TBC1D9B: variants seen among roughly 807,000 people sequenced by gnomAD.
TBC1D9B encodes the protein TBC1 domain family, member 9B (with GRAM domain).
In TBC1D9B, 87 loss-of-function variants were observed where a neutral mutation model predicts 121.1. The ratio of observed to expected loss-of-function variants is 0.72; its 90% confidence interval spans 0.60 to 0.86. The LOEUF is 0.86. Among genes scored for constraint, TBC1D9B ranks in the 40% least tolerant of loss-of-function variants. The pLI is 0.00. For missense variants in TBC1D9B, 1,540 were observed against 1,628.6 expected (o/e 0.95, Z 0.94); for synonymous variants, 668 against 670.1 (o/e 1.00, Z 0.05).
At chr5:179,870,230 C>T (rs757566855) in intron 16 of TBC1D9B, 25 bp downstream of exon 16, 1 of 1,612,408 alleles carries the variant, frequency 6.2e-7, no homozygotes. Flanking sequence ...GGGTCAAGCC[C>T]CTGGTAGGCC....
In TBC1D9B at chr5:179,865,268, G is replaced by C; in HGVS notation, c.3007C>G (p.Pro1003Ala). 6.2e-7 allele frequency: 1 copy of C among 1,614,156 alleles called. No homozygotes were observed. The highest frequency in any genetic ancestry group is 8.5e-7 in the Non-Finnish European group (1 of 1,180,030). ...GTGGAGCCTACCTGGTTCATCTTGG[G>C]AAGATCCTTAATCGTCTCCTTCTGA... is the stretch of plus-strand genomic sequence containing the variant. ...EAQKETIKDL[P>A]KMNQEQFIEL... is the part of the protein sequence containing the mutation. Residue 1003 changes from proline to alanine, a missense_variant, in exon 20 of 21, where the codon CCC (proline) becomes GCC (alanine). Pro to Ala is a conservative substitution (Grantham distance 27, BLOSUM62 -1). Transcript: ENST00000355235. This position sits in a 1 kb window ranked among gnomAD's most constrained non-coding sequence, Gnocchi z 5.1.
intron 7 of TBC1D9B, 113 bp downstream of exon 7, chr5:179,887,990 A>G (rs1760740221): frequency 1.5e-6 from 2 of 1,332,570 alleles, no homozygotes; most frequent in Admixed American, 1.8e-5. Flanking sequence ...ATCCACCCCT[A>G]GGCGGAGGCC....
intron 2 of TBC1D9B, among the ~76,000 whole-genome samples, chr5:179,900,446 G>A (rs990861282): frequency 1.1e-4 from 17 of 152,040 alleles, no homozygotes; most frequent in African/African-American, 3.9e-4. Flanking sequence ...TCAGCTGTCC[G>A]GGGGTGGGAC....
chr5:179,876,066 G>A, intron 10 of TBC1D9B, 29 bp from the exon 11 acceptor site: 1 of 1,591,776 alleles, frequency 6.3e-7, no homozygotes, highest in Non-Finnish European at 8.6e-7. Context: ...GCCGGGGAAG[G>A]CTTGCACTGC....
At chr5:179,867,437 G>C in intron 18 of TBC1D9B, 1 of 1,553,764 alleles carries the variant, frequency 6.4e-7, no homozygotes, top group Non-Finnish European at 8.7e-7. Flanking sequence ...TGCCTTCCAG[G>C]GACTGACCTT....
At chr5:179,867,067 T>A (rs542247869) in intron 18 of TBC1D9B, 2 of 202,570 alleles carry the variant, frequency 9.9e-6, no homozygotes, top group Admixed American at 1.0e-4. Context: ...ACGTGGAACA[T>A]GAAGATTTTT....
chr5:179,878,336 G>A lies in TBC1D9B; in HGVS notation c.1755C>T (p.Phe585=). The change falls in exon 10 of 21, where the codon TTC becomes TTT. Residue 585 remains phenylalanine, a synonymous_variant. Coordinates refer to ENST00000355235, the MANE Select transcript of TBC1D9B (RefSeq NM_015043.4). ...ALRRVLTAYA[F]RNPTIGYCQA... is the part of the protein sequence containing the mutation. Reference sequence around the variant, plus strand: ...GGCAGTAGCCGATGGTGGGGTTTCGGAAGGCATAGGCAGTCAGCACCCGCC... The same window carrying A: ...GGCAGTAGCCGATGGTGGGGTTTCGAAAGGCATAGGCAGTCAGCACCCGCC... 6.2e-7 allele frequency: 1 copy of A among 1,613,618 alleles called. No homozygotes were observed. The highest frequency in any genetic ancestry group is 1.1e-5 in the South Asian group (1 of 90,992).
In TBC1D9B at chr5:179,907,118, C is replaced by G. The variant is rs180827179; in HGVS notation, c.118+586G>C. 1.7e-3 allele frequency among the ~76,000 whole-genome samples: 266 copies of G among 152,324 alleles called. 1 individual carries two copies. Among genetic ancestry groups the G allele is most frequent in the Middle Eastern group, 0.01 (3 of 294 alleles). On this transcript the variant is annotated intron_variant, in intron 1 of 20. Coordinates refer to ENST00000355235, the MANE Select transcript of TBC1D9B (RefSeq NM_015043.4). The surrounding 1 kb of genome is among the most constrained non-coding windows in gnomAD (Gnocchi z 5.3). ...TTGCAGGAACACCCTGTGCCGCTAC[C>G]CACAGCCTTGGGTGCGCAGCTCTGA...
At chr5:179,864,830 G>T (rs1759959950) in intron 20 of TBC1D9B, among the ~76,000 whole-genome samples, 1 of 152,242 alleles carries the variant, frequency 6.6e-6, no homozygotes, top group South Asian at 2.1e-4. Flanking sequence ...TGGAGCTGGG[G>T]TCTCCCATTT....
chr5:179,905,883 T>C (rs985139107), intron 1 of TBC1D9B, among the ~76,000 whole-genome samples: 8 of 152,226 alleles, frequency 5.3e-5, no homozygotes, highest in African/African-American at 1.9e-4. Flanking sequence ...TGTTTCATAG[T>C]CCATTAATAC....
chr5:179,879,791 T>C lies in TBC1D9B; in HGVS notation c.1255-2A>G. On this transcript the variant is annotated splice_acceptor_variant, in intron 7 of 20. Coordinates refer to ENST00000355235, the MANE Select transcript of TBC1D9B (RefSeq NM_015043.4). LOFTEE classifies it high-confidence loss of function. ...CCCCTCCTGAGGAGCTGGGGAAGAC[T>C]AGAAAATAAAACAGGGAAGGGGACG... 3 of 1,607,154 alleles carry C rather than the reference T, an allele frequency of 1.9e-6. No homozygotes were observed. Among genetic ancestry groups the C allele is most frequent in the South Asian group, 1.1e-5 (1 of 90,602 alleles).
In TBC1D9B at chr5:179,891,258, G is replaced by A. The variant is rs753435603; in HGVS notation, c.1044+121C>T. The A allele has an allele frequency of 4.8e-5, 55 of 1,148,706 alleles. No individual in the cohort carries two copies. Among genetic ancestry groups the A allele is most frequent in the Non-Finnish European group, 6.6e-5 (52 of 791,720 alleles). 71.2% of individuals were successfully genotyped at this position (1,148,706 alleles called of 1,614,324 possible). A position where few individuals can be genotyped will look rare whatever the true frequency, so the allele number is the denominator to read the frequency against. On this transcript the variant is annotated intron_variant, in intron 6 of 20. Coordinates refer to ENST00000355235, the MANE Select transcript of TBC1D9B (RefSeq NM_015043.4). The surrounding 1 kb of genome is among the most constrained non-coding windows in gnomAD (Gnocchi z 4.3). Reference sequence around the variant, plus strand: ...CACTGAGTGACATGTGACTGCCTGGGCTAGGGCATCCTCCCAGGTACCCCC... The same window carrying A: ...CACTGAGTGACATGTGACTGCCTGGACTAGGGCATCCTCCCAGGTACCCCC...
At chr5:179,906,978 A>C (rs1249436837) in intron 1 of TBC1D9B, among the ~76,000 whole-genome samples, 1 of 152,022 alleles carries the variant, frequency 6.6e-6, no homozygotes, top group Admixed American at 6.5e-5. Flanking sequence ...CTGCGGAGGG[A>C]GTGGCCTGTG....
rs1759879160 is a variant in TBC1D9B, at chr5:179,862,666, T to C, written c.*782A>G. ...CTTCCAGAACACAGCCAGGGCCCCA[T>C]ACTTGGCCTGGGGAGAAGTTGGGAG... On this transcript the variant is annotated 3_prime_UTR_variant, in exon 21 of 21. Coordinates refer to ENST00000355235, the MANE Select transcript of TBC1D9B (RefSeq NM_015043.4). The C allele has an allele frequency of 2.3e-6, 1 of 441,994 alleles. No homozygotes were observed. The highest frequency in any genetic ancestry group is 4.7e-6 in the Non-Finnish European group (1 of 214,560). 27.4% of individuals were successfully genotyped at this position (441,994 alleles called of 1,614,324 possible). A position where few individuals can be genotyped will look rare whatever the true frequency, so the allele number is the denominator to read the frequency against.
At chr5:179,897,439 T>C (rs560514810) in intron 3 of TBC1D9B, among the ~76,000 whole-genome samples, 47 of 152,046 alleles carry the variant, frequency 3.1e-4, no homozygotes, top group African/African-American at 1.1e-3. Flanking sequence ...CAGTCTTCCA[T>C]TCCGAGTAGC....
At chr5:179,869,535 A>G (rs1369604058) in intron 17 of TBC1D9B, 1 of 673,290 alleles carries the variant, frequency 1.5e-6, no homozygotes, top group South Asian at 1.5e-5. Flanking sequence ...TGTACCCAGC[A>G]GTGCCCGGTC....
Position 179,863,649 on chromosome 5 carries a change from G to T in TBC1D9B, c.3501C>A (p.Pro1167=). The part of the protein sequence containing the change: ...TVLVGGEACS[P]TARIGGTVDT... ...CGACGGTGCCGCCGATGCGCGCTGT[G>T]GGGCTGCAGGCCTCCCCGCCCACCA... The change falls in exon 21 of 21, where the codon CCC becomes CCA. Residue 1167 remains proline (P), a synonymous_variant. Coordinates refer to ENST00000355235, the MANE Select transcript of TBC1D9B (RefSeq NM_015043.4). The surrounding 1 kb of genome is among the most constrained non-coding windows in gnomAD (Gnocchi z 4.5). 3.7e-6 allele frequency: 6 copies of T among 1,613,818 alleles called. No homozygotes were observed. The highest frequency in any genetic ancestry group is 5.1e-6 in the Non-Finnish European group (6 of 1,180,032).
At position 179,890,551 on chromosome 5, in the gene TBC1D9B, G is replaced by T. The variant is rs900107558; in HGVS notation, c.1044+828C>A. ...GAGTTCCTTCCCTCTGACTTCCCTT[G>T]GGGAAACTGAGGCAGCAACTCTCCC... On this transcript the variant is annotated intron_variant, in intron 6 of 20. Coordinates refer to ENST00000355235, the MANE Select transcript of TBC1D9B (RefSeq NM_015043.4). This position sits in a 1 kb window ranked among gnomAD's most constrained non-coding sequence, Gnocchi z 5.0. Among the ~76,000 whole-genome samples the T allele has an allele frequency of 1.3e-5, 2 of 152,182 alleles. No homozygotes were observed. Among genetic ancestry groups the T allele is most frequent in the African/African-American group, 4.8e-5 (2 of 41,432 alleles).
Position 179,863,582 on chromosome 5 carries a change from T to C in TBC1D9B, c.3568A>G (p.Ile1190Val), listed in dbSNP as rs943376192. The C allele has an allele frequency of 4.3e-6, 7 of 1,614,048 alleles. No individual in the cohort carries two copies. The East Asian group carries it at 1.1e-4, about 26-fold the overall frequency. Residue 1190 changes from isoleucine to valine, a missense_variant, in exon 21 of 21, where the codon ATC becomes GTC. Coordinates refer to ENST00000355235, the MANE Select transcript of TBC1D9B (RefSeq NM_015043.4). The surrounding 1 kb of genome is among the most constrained non-coding windows in gnomAD (Gnocchi z 4.5). The part of the protein sequence containing the change: ...CISFEQILAS[I>V]LTESVLVNFF... ...TTCACCAGCACGGACTCCGTCAGGA[T>C]GGAGGCCAGGATCTGCTCAAAGGAG... is the stretch of plus-strand genomic sequence containing the variant.
Sources: gnomAD v4.1 joint callset for allele counts (sites outside exome capture counted in the v4.1 genomes callset) on GRCh38, gnomAD v4.1.1 for gene constraint, Gnocchi (gnomAD v3.1) non-coding constraint, MANE v1.5 for transcripts, NCBI Gene and HGNC (gene_info 2026-07-23, HGNC 2026-07-21) for gene names.